The following MED19 variants were observed in gnomAD, a reference collection of about 807,000 sequenced individuals.
MED19 encodes mediator complex subunit 19, also known as mediator of RNA polymerase II transcription subunit 19.
In MED19, 4 loss-of-function variants were observed where a neutral mutation model predicts 19.9. The observed-to-expected ratio is 0.20, with a 90% CI of 0.10 to 0.46. MED19 has a LOEUF of 0.46. Ranked by LOEUF, MED19 falls within the 20% of genes least tolerant of loss-of-function variation. MED19 has a pLI of 0.99. For synonymous variants in MED19, 139 were observed against 119.6 expected, an observed-to-expected ratio of 1.16 and a Z score of -1.06; for missense variants, 303 against 318.7, an observed-to-expected ratio of 0.95 and a Z score of 0.38.
At chr11:57,705,474 G>A (rs1349513307) in intron 1 of MED19, among the ~76,000 whole-genome samples, 1 of 151,972 alleles carries the variant, frequency 6.6e-6, no homozygotes, top group Non-Finnish European at 1.5e-5. Flanking sequence ...ACAACACGGT[G>A]AAACTCCGTC....
chr11:57,703,984 A>G, exon 5 of MED19: 18 of 1,531,256 alleles, frequency 1.2e-5, no homozygotes, highest in Non-Finnish European at 1.6e-5. Flanking sequence ...AGCTTTTATC[A>G]GCAGGTTCAG....
At chr11:57,705,118 G>A (rs1176209196) in exon 2 of MED19, 1 of 1,614,168 alleles carries the variant, frequency 6.2e-7, no homozygotes, top group South Asian at 1.1e-5. Flanking sequence ...TGGCAGGTCA[G>A]GCAGGAAGTT....
At position 57,704,825 on chromosome 11, in the gene MED19, C is replaced by A. The variant is rs1946489035; in HGVS notation, c.475-10G>T. On this transcript the variant is annotated splice_polypyrimidine_tract_variant and intron_variant, in intron 2 of 4. Transcript: ENST00000431606. ...GACACTGCTCCGGCAACTGAAGGAA[C>A]CAAAGGAAGGTCCAGGTGAGTAGAG... 1.2e-6 allele frequency: 2 copies of A among 1,613,424 alleles called. No individual in the cohort carries two copies. Among genetic ancestry groups the A allele is most frequent in the Admixed American group, 3.3e-5 (2 of 59,878 alleles).
chr11:57,704,658 C>T (rs1555011222), intron 3 of MED19, 61 bp downstream of exon 3: 2 of 1,292,620 alleles, frequency 1.5e-6, no homozygotes, highest in Non-Finnish European at 1.1e-6. Flanking sequence ...AAACCAGATT[C>T]AGAAGGTCAG....
At chr11:57,705,537 C>G (rs1946499405) in intron 1 of MED19, among the ~76,000 whole-genome samples, 1 of 151,782 alleles carries the variant, frequency 6.6e-6, no homozygotes, top group South Asian at 2.1e-4. Flanking sequence ...GCCTGTAGTC[C>G]CAACTACTCA....
At position 57,704,416 on chromosome 11, in the gene MED19, C is replaced by T; in HGVS notation, c.572-20G>A. The T allele has an allele frequency of 2.0e-6, 3 of 1,534,486 alleles. No individual in the cohort carries two copies. Among genetic ancestry groups the T allele is most frequent in the Non-Finnish European group, 2.6e-6 (3 of 1,145,160 alleles). On this transcript the variant is annotated intron_variant, in intron 3 of 4. Coordinates refer to ENST00000431606, the Ensembl canonical transcript of MED19. ...GTGTTTCTGTAGGAGACATTAGGTACCTATCACCTGTAAAGCTCAAAATCC... is the reference window on the plus strand; with the variant it reads ...GTGTTTCTGTAGGAGACATTAGGTATCTATCACCTGTAAAGCTCAAAATCC...
chr11:57,710,359 G>A (rs1946551777), intron 1 of MED19, among the ~76,000 whole-genome samples: 1 of 152,144 alleles, frequency 6.6e-6, no homozygotes, highest in South Asian at 2.1e-4. Flanking sequence ...GAGACCTTGT[G>A]TCTATAAAAA....
chr11:57,711,617 G>C (rs1946611709), intron 1 of MED19, among the ~76,000 whole-genome samples: 1 of 152,188 alleles, frequency 6.6e-6, no homozygotes, highest in Admixed American at 6.5e-5. Flanking sequence ...GCCTCCCAGA[G>C]TGTTGGGATT....
chr11:57,704,018 CAA>C (rs772895894), exon 5 of MED19: 4 of 1,535,778 alleles, frequency 2.6e-6, no homozygotes, highest in Middle Eastern at 1.7e-4. Flanking sequence ...GCCATCCTGG[CAA>C]AGAGTCCAGT....
chr11:57,710,093 G>A (rs769434921), intron 1 of MED19, among the ~76,000 whole-genome samples: 41 of 152,220 alleles, frequency 2.7e-4, no homozygotes, highest in Non-Finnish European at 4.3e-4. Flanking sequence ...TGGGCACAGT[G>A]GCTCAGACCT....
chr11:57,705,018 A>C, exon 2 of MED19: 1 of 1,614,132 alleles, frequency 6.2e-7, no homozygotes. Context: ...TCCCTGTGAT[A>C]GGATTGAAAG....
chr11:57,704,099 T>C (rs1946479651), exon 5 of MED19: 5 of 1,536,186 alleles, frequency 3.3e-6, no homozygotes, highest in Non-Finnish European at 4.4e-6. Context: ...GTCTGGACTA[T>C]GTCGATTCTG....
exon 1 of MED19, chr11:57,712,038 C>T (rs1032076061): frequency 6.5e-7 from 1 of 1,536,458 alleles, no homozygotes; most frequent in African/African-American, 1.4e-5. Context: ...GCCGTGGCCG[C>T]GGTGGGAGGC....
rs375380298 is a variant in MED19, at chr11:57,711,204, T to C, written c.217+759A>G. ...AATGAAGAGTTTGGTTCGATTCTTA[T>C]CCCTTTTTTGATCAGACCAGGAAAT... On this transcript the variant is annotated intron_variant, in intron 1 of 4. Transcript: ENST00000431606. 2.0e-4 allele frequency among the ~76,000 whole-genome samples: 31 copies of C among 152,322 alleles called. No homozygotes were observed. In the East Asian group the frequency reaches 2.9e-3, roughly 14 times the overall value.
intron 1 of MED19, among the ~76,000 whole-genome samples, chr11:57,706,320 T>G (rs964594672): frequency 3.9e-5 from 6 of 152,226 alleles, no homozygotes; most frequent in African/African-American, 1.4e-4. Context: ...GCTAATTTTT[T>G]TCTAGTAGAG....
intron 1 of MED19, among the ~76,000 whole-genome samples, chr11:57,709,161 C>T (rs1486957610): frequency 1.3e-5 from 2 of 152,136 alleles, no homozygotes; most frequent in African/African-American, 2.4e-5. Flanking sequence ...GTGGGCGGAT[C>T]ACCTGAGGTT....
intron 1 of MED19, among the ~76,000 whole-genome samples, chr11:57,706,390 A>AC (rs1355964715): frequency 6.6e-6 from 1 of 151,296 alleles, no homozygotes; most frequent in Non-Finnish European, 1.5e-5. Context: ...GTGATCCGCC[A>AC]CCCCCCGCCG....
chr11:57,704,584 T>C, intron 3 of MED19, 135 bp downstream of exon 3: 3 of 1,605,530 alleles, frequency 1.9e-6, no homozygotes, highest in Non-Finnish European at 2.5e-6. Context: ...TGGTTTCTTC[T>C]TCAGGGGAAT....
intron 3 of MED19, 50 bp downstream of exon 3, chr11:57,704,669 G>GTTTTTTTTTTTTTTT (rs34198151): frequency 8.2e-5 from 105 of 1,287,702 alleles, no homozygotes; most frequent in Middle Eastern, 2.6e-4. Context: ...AGAAGGTCAG[G>GTTTTTTTTTTTTTTT]TTTTTTTTTT....
Sources: gnomAD v4.1 joint callset for allele counts (sites outside exome capture counted in the v4.1 genomes callset) on GRCh38, gnomAD v4.1.1 for gene constraint, MANE v1.5 for transcripts, NCBI Gene and HGNC (gene_info 2026-07-23, HGNC 2026-07-21) for gene names.